The following AUTS2 variants were observed in gnomAD, a reference collection of about 807,000 sequenced individuals.
AUTS2 encodes activator of transcription and developmental regulator AUTS2.
AUTS2 carries 17 observed loss-of-function variants against 112.4 expected under a neutral mutation model. The observed-to-expected ratio is 0.15, with a 90% CI of 0.10 to 0.23. AUTS2 has a LOEUF of 0.23. Ranked by LOEUF, AUTS2 falls within the 10% of genes least tolerant of loss-of-function variation. The pLI is 1.00. For missense variants in AUTS2, 1,510 were observed against 1,701.6 expected (o/e 0.89, Z 1.98); for synonymous variants, 751 against 702.7 (o/e 1.07, Z -1.09).
intron 1 of AUTS2, among the ~76,000 whole-genome samples, chr7:69,615,186 G>A (rs1307747741): frequency 1.3e-5 from 2 of 152,150 alleles, no homozygotes; most frequent in East Asian, 3.8e-4. Flanking sequence ...TAATACCCCT[G>A]TTGTGATGAT....
intron 4 of AUTS2, among the ~76,000 whole-genome samples, chr7:70,425,934 G>A (rs1014695150): frequency 1.6e-4 from 24 of 152,244 alleles, no homozygotes; most frequent in African/African-American, 5.3e-4. Flanking sequence ...TATTACATAT[G>A]TACTTATACA....
chr7:69,874,786 G>A (rs1793656529), intron 1 of AUTS2, among the ~76,000 whole-genome samples: 1 of 152,066 alleles, frequency 6.6e-6, no homozygotes, highest in South Asian at 2.1e-4. Context: ...AGCCTCCCAA[G>A]TACCTGGGAT....
At chr7:70,246,748 T>G (rs957502985) in intron 4 of AUTS2, among the ~76,000 whole-genome samples, 4 of 152,148 alleles carry the variant, frequency 2.6e-5, no homozygotes, top group African/African-American at 9.6e-5. Context: ...AGTGAAATTT[T>G]CATTGGAATT....
intron 1 of AUTS2, among the ~76,000 whole-genome samples, chr7:69,843,512 C>G (rs1012857026): frequency 6.6e-6 from 1 of 152,072 alleles, no homozygotes; most frequent in Non-Finnish European, 1.5e-5. Flanking sequence ...TGATATAATG[C>G]CTGGAAAATA....
chr7:70,390,755 G>C (rs1335539696), intron 4 of AUTS2, among the ~76,000 whole-genome samples: 1 of 152,110 alleles, frequency 6.6e-6, no homozygotes, highest in African/African-American at 2.4e-5. Context: ...TCTGTGACCT[G>C]GCTCTGAAAA....
intron 2 of AUTS2, among the ~76,000 whole-genome samples, chr7:70,073,410 C>T (rs574949961): frequency 5.0e-4 from 76 of 151,130 alleles, no homozygotes; most frequent in African/African-American, 1.7e-3. Context: ...ACTCGGGGGG[C>T]TGTGGCAGGA....
chr7:69,672,388 A>T (rs1424164843), intron 1 of AUTS2, among the ~76,000 whole-genome samples: 9 of 152,266 alleles, frequency 5.9e-5, no homozygotes, highest in Middle Eastern at 3.4e-3. Context: ...AAACTTTGTC[A>T]ATGGAGAAGA....
At chr7:69,611,013 A>T (rs902052278) in intron 1 of AUTS2, among the ~76,000 whole-genome samples, 6 of 152,206 alleles carry the variant, frequency 3.9e-5, no homozygotes, top group African/African-American at 1.4e-4. Context: ...CCTTTGCTAA[A>T]TTTTTGGAAT....
At chr7:69,744,450 T>C (rs924068018) in intron 1 of AUTS2, among the ~76,000 whole-genome samples, 1 of 152,132 alleles carries the variant, frequency 6.6e-6, no homozygotes, top group Non-Finnish European at 1.5e-5. Context: ...GGACCAACAT[T>C]TGATACTCCT....
chr7:70,310,133 CTTT>C (rs5884778), intron 4 of AUTS2, among the ~76,000 whole-genome samples: 6 of 139,832 alleles, frequency 4.3e-5, no homozygotes, highest in Admixed American at 1.4e-4. Flanking sequence ...CAAACTAAAT[CTTT>C]TTTTTTTTTT....
rs550214364 is a variant in AUTS2, at chr7:70,749,833, CAG to C, written c.743-13036_743-13035del. Among the ~76,000 whole-genome samples the C allele has an allele frequency of 1.1e-3, 169 of 152,344 alleles. 1 individual carries two copies. The highest frequency in any genetic ancestry group is 3.5e-3 in the African/African-American group (147 of 41,584). Reference sequence around the variant, plus strand: ...ATTACCCAAGGCAAAGCCTGCTTCTCAGTGAACTGTTGCCTATGGGACAAGAA... The same window carrying C: ...ATTACCCAAGGCAAAGCCTGCTTCTCTGAACTGTTGCCTATGGGACAAGAA... On this transcript the variant is annotated intron_variant, in intron 6 of 18. Transcript: ENST00000342771.
intron 1 of AUTS2, among the ~76,000 whole-genome samples, chr7:69,727,047 T>C (rs1786551394): frequency 6.6e-6 from 1 of 152,194 alleles, no homozygotes; most frequent in African/African-American, 2.4e-5. Flanking sequence ...ATTTTTCCAT[T>C]ATATATTTTG....
chr7:69,890,874 A>T (rs960844633), intron 1 of AUTS2, among the ~76,000 whole-genome samples: 7 of 152,230 alleles, frequency 4.6e-5, no homozygotes, highest in Admixed American at 2.6e-4. Context: ...TTAGGATTCT[A>T]AAAGATGAGT....
At chr7:69,825,419 C>G (rs542837240) in intron 1 of AUTS2, among the ~76,000 whole-genome samples, 54 of 152,230 alleles carry the variant, frequency 3.5e-4, no homozygotes, top group African/African-American at 1.3e-3. Flanking sequence ...CTGAGAGGCT[C>G]TCCTCCGAAA....
intron 5 of AUTS2, among the ~76,000 whole-genome samples, chr7:70,575,648 C>T (rs1802132999): frequency 6.6e-6 from 1 of 152,176 alleles, no homozygotes; most frequent in South Asian, 2.1e-4. Context: ...CCTTTCTTCT[C>T]TTCGTTTGCT....
intron 2 of AUTS2, among the ~76,000 whole-genome samples, chr7:70,073,510 C>CAAAA (rs778228658): frequency 1.5e-5 from 1 of 65,210 alleles, no homozygotes. Flanking sequence ...GACCTCATCT[C>CAAAA]AAAAAAAAAA....
At chr7:70,364,971 G>A (rs554028627) in intron 4 of AUTS2, among the ~76,000 whole-genome samples, 66 of 152,280 alleles carry the variant, frequency 4.3e-4, no homozygotes, top group African/African-American at 1.5e-3. Context: ...TAAAGTTGGC[G>A]TGCTACTTCC....
rs577055639 is a variant in AUTS2, at chr7:69,937,278, A to C, written c.522+37780A>C. On this transcript the variant is annotated intron_variant, in intron 2 of 18. Coordinates refer to ENST00000342771, the MANE Select transcript of AUTS2 (RefSeq NM_015570.4). Reference sequence around the variant, plus strand: ...ACTTTGGCCACAGATAAGAGTGTTAAGAGATTAAGAAGTAGATTTATCTGG... The same window carrying C: ...ACTTTGGCCACAGATAAGAGTGTTACGAGATTAAGAAGTAGATTTATCTGG... 5.3e-5 allele frequency among the ~76,000 whole-genome samples: 8 copies of C among 152,356 alleles called. 1 individual carries two copies. In the South Asian group the frequency reaches 1.5e-3, roughly 28 times the overall value.
At chr7:70,739,708 G>A (rs994922422) in intron 6 of AUTS2, among the ~76,000 whole-genome samples, 8 of 151,160 alleles carry the variant, frequency 5.3e-5, no homozygotes, top group Non-Finnish European at 8.8e-5. Context: ...TCCTCAGTCT[G>A]TAGCTTCCCG....
Sources: gnomAD v4.1 joint callset for allele counts (sites outside exome capture counted in the v4.1 genomes callset) on GRCh38, gnomAD v4.1.1 for gene constraint, MANE v1.5 for transcripts, NCBI Gene and HGNC (gene_info 2026-07-23, HGNC 2026-07-21) for gene names.